Variants in OPCML observed in about 807,000 individuals in gnomAD.
OPCML encodes opioid binding protein/cell adhesion molecule like.
OPCML carries 13 observed loss-of-function variants against 37.8 expected under a neutral mutation model. The ratio of observed to expected loss-of-function variants is 0.34; its 90% confidence interval spans 0.22 to 0.55. The LOEUF is 0.55. Among genes scored for constraint, OPCML ranks in the 20% least tolerant of loss-of-function variants. The probability of loss-of-function intolerance (pLI) is 0.91; values close to 1 mark genes in which losing one functional copy is unlikely to be tolerated. For synonymous variants in OPCML, 176 were observed against 168.8 expected (o/e 1.04, Z -0.33); for missense variants, 341 against 435.6 (o/e 0.78, Z 1.93).
At chr11:133,116,968 T>TAGA (rs1949345609) in intron 1 of OPCML, among the ~76,000 whole-genome samples, 1 of 152,142 alleles carries the variant, frequency 6.6e-6, no homozygotes, top group South Asian at 2.1e-4. Context: ...AATTATACTG[T>TAGA]AGAAGATATT....
rs1338301850 is a variant in OPCML at position 132,814,029 on chromosome 11, T to C, written c.146+128897A>G. The stretch of plus-strand genomic sequence containing the variant: ...TATCCTTTTCACACTGAAATCCCAA[T>C]GTCTAGAACAGTTCTGATCACAAAG... On this transcript the variant is annotated intron_variant, in intron 2 of 7. Transcript: ENST00000524381. Among the ~76,000 whole-genome samples, 3 of 152,212 alleles carry C rather than the reference T, an allele frequency of 2.0e-5. No individual in the cohort carries two copies. In the East Asian group the frequency reaches 5.8e-4, roughly 29 times the overall value.
At chr11:132,583,609 T>C (rs2096466471) in intron 3 of OPCML, among the ~76,000 whole-genome samples, 1 of 151,884 alleles carries the variant, frequency 6.6e-6, no homozygotes, top group Admixed American at 6.6e-5. Context: ...CATAGGCTGA[T>C]TTTTTATTTA....
intron 1 of OPCML, among the ~76,000 whole-genome samples, chr11:133,437,459 T>C (rs1278816189): frequency 6.6e-6 from 1 of 152,270 alleles, no homozygotes; most frequent in South Asian, 2.1e-4. Context: ...GGTCCTTTCA[T>C]GGAGAAATCC....
chr11:132,933,258 A>T (rs1945268649), intron 2 of OPCML, among the ~76,000 whole-genome samples: 1 of 152,182 alleles, frequency 6.6e-6, no homozygotes, highest in South Asian at 2.1e-4. Flanking sequence ...TGGCTTTTCC[A>T]AACCCTGAAA....
At chr11:132,720,135 C>A (rs1944627751) in intron 2 of OPCML, among the ~76,000 whole-genome samples, 2 of 152,240 alleles carry the variant, frequency 1.3e-5, no homozygotes, top group Non-Finnish European at 2.9e-5. Context: ...TTACATCAAT[C>A]TCTGTGAGTT....
chr11:133,213,270 T>A (rs1939444863), intron 1 of OPCML, among the ~76,000 whole-genome samples: 1 of 151,480 alleles, frequency 6.6e-6, no homozygotes, highest in African/African-American at 2.4e-5. Flanking sequence ...ATGTTTAAAT[T>A]CTAAAGAAAA....
chr11:132,520,506 G>T lies in OPCML; in HGVS notation c.505+8555C>A, dbSNP rs11223101. The stretch of plus-strand genomic sequence containing the variant: ...TCTTATATAAGCATATATAGGAATA[G>T]GTTGTTAATGGAATACTAGAGACTC... On this transcript the variant is annotated intron_variant, in intron 4 of 7. Coordinates refer to ENST00000524381, the MANE Select transcript of OPCML (RefSeq NM_001012393.5). Among the ~76,000 whole-genome samples the T allele has an allele frequency of 2.0e-5, 3 of 151,964 alleles. No homozygotes were observed. The South Asian group carries it at 6.2e-4, about 32-fold the overall frequency.
chr11:133,367,097 G>A (rs913987367), intron 1 of OPCML, among the ~76,000 whole-genome samples: 4 of 152,118 alleles, frequency 2.6e-5, no homozygotes, highest in Non-Finnish European at 5.9e-5. Context: ...TCCTGCCTAA[G>A]CTTCCCAAGT....
intron 2 of OPCML, among the ~76,000 whole-genome samples, chr11:132,820,061 CTGAA>C (rs35080742): frequency 0.32 from 23,897 of 73,834 alleles, 1,988 homozygotes; most frequent in East Asian, 0.43. Context: ...ACAGCAAAAA[CTGAA>C]TGAATGAATG....
intron 1 of OPCML, among the ~76,000 whole-genome samples, chr11:133,513,374 T>C (rs948687312): frequency 7.9e-5 from 12 of 152,204 alleles, no homozygotes; most frequent in Non-Finnish European, 1.3e-4. Context: ...CACTGCAATT[T>C]GGAGGTTGGC....
intron 4 of OPCML, among the ~76,000 whole-genome samples, chr11:132,522,371 T>G (rs2096295996): frequency 6.6e-6 from 1 of 152,148 alleles, no homozygotes; most frequent in African/African-American, 2.4e-5. Flanking sequence ...ATAGTAAAAA[T>G]TATCACTTTT....
chr11:132,531,772 A>G (rs1217676834), intron 3 of OPCML, among the ~76,000 whole-genome samples: 1 of 142,524 alleles, frequency 7.0e-6, no homozygotes, highest in African/African-American at 2.7e-5. Flanking sequence ...TTTTTTTCCT[A>G]TATTTTCTAG....
intron 1 of OPCML, among the ~76,000 whole-genome samples, chr11:133,093,849 C>T (rs1027348424): frequency 5.3e-5 from 8 of 152,004 alleles, no homozygotes; most frequent in Non-Finnish European, 8.8e-5. Flanking sequence ...AATGTCATCT[C>T]TGCATTCACA....
chr11:132,526,349 C>CT (rs988237706), intron 4 of OPCML, among the ~76,000 whole-genome samples: 1 of 152,046 alleles, frequency 6.6e-6, no homozygotes, highest in Non-Finnish European at 1.5e-5. Context: ...TTATCTCTAA[C>CT]TTTAGGCAAA....
chr11:132,949,912 T>G (rs968780462), intron 1 of OPCML, among the ~76,000 whole-genome samples: 5 of 152,132 alleles, frequency 3.3e-5, no homozygotes, highest in Non-Finnish European at 5.9e-5. Flanking sequence ...GGTGTGATGA[T>G]GTTGGAAGAG....
At chr11:133,311,727 A>G (rs1943071444) in intron 1 of OPCML, among the ~76,000 whole-genome samples, 1 of 152,220 alleles carries the variant, frequency 6.6e-6, no homozygotes, top group South Asian at 2.1e-4. Context: ...CACTGTGGGC[A>G]GGAGTCCATT....
chr11:132,562,463 G>A (rs754835624), intron 3 of OPCML, among the ~76,000 whole-genome samples: 1 of 151,988 alleles, frequency 6.6e-6, no homozygotes, highest in Non-Finnish European at 1.5e-5. Flanking sequence ...CCAAACTGAA[G>A]AAATTTCTTT....
chr11:132,707,060 C>CT (rs1472293203), intron 2 of OPCML, among the ~76,000 whole-genome samples: 1 of 152,036 alleles, frequency 6.6e-6, no homozygotes, highest in Non-Finnish European at 1.5e-5. Flanking sequence ...TTACTGTATG[C>CT]TTTTTTAAAA....
At chr11:133,488,784 A>G (rs184586068) in intron 1 of OPCML, among the ~76,000 whole-genome samples, 1 of 152,234 alleles carries the variant, frequency 6.6e-6, no homozygotes, top group Admixed American at 6.5e-5. Context: ...CAAGCAAAAG[A>G]ACAAAGCTGG....
Sources: gnomAD v4.1 joint callset for allele counts (sites outside exome capture counted in the v4.1 genomes callset) on GRCh38, gnomAD v4.1.1 for gene constraint, MANE v1.5 for transcripts, NCBI Gene and HGNC (gene_info 2026-07-23, HGNC 2026-07-21) for gene names.